Variants in TNFRSF9 observed in about 807,000 individuals in gnomAD.
TNFRSF9 encodes tumor necrosis factor receptor superfamily member 9.
In TNFRSF9, 16 loss-of-function variants were observed where a neutral mutation model predicts 28.8. The observed-to-expected ratio is 0.55, with a 90% CI of 0.38 to 0.84. The LOEUF is 0.84. Ranked by LOEUF, TNFRSF9 falls within the 40% of genes least tolerant of loss-of-function variation. TNFRSF9 has a pLI of 0.00. For synonymous variants in TNFRSF9, 131 were observed against 117.0 expected, an observed-to-expected ratio of 1.12 and a Z score of -0.77; for missense variants, 303 against 315.0, an observed-to-expected ratio of 0.96 and a Z score of 0.29.
At chr1:7,922,623 C>T (rs1639578523) in intron 7 of TNFRSF9, among the ~76,000 whole-genome samples, 1 of 152,056 alleles carries the variant, frequency 6.6e-6, no homozygotes, top group South Asian at 2.1e-4. Context: ...ACCAGCCTGG[C>T]CAACATGGCG....
chr1:7,939,085 C>T (rs1448408025), intron 2 of TNFRSF9, among the ~76,000 whole-genome samples: 3 of 151,986 alleles, frequency 2.0e-5, no homozygotes, highest in Non-Finnish European at 4.4e-5. Flanking sequence ...TTTGGGAGGC[C>T]GAAGCGGGCA....
intron 7 of TNFRSF9, 120 bp downstream of exon 7, chr1:7,933,042 C>A: frequency 8.0e-7 from 1 of 1,246,128 alleles, no homozygotes; most frequent in Non-Finnish European, 1.1e-6. Context: ...ATTGCCCCTG[C>A]GTGATAGCCA....
chr1:7,922,345 G>A (rs959361580), intron 7 of TNFRSF9, among the ~76,000 whole-genome samples: 1 of 152,140 alleles, frequency 6.6e-6, no homozygotes, highest in Non-Finnish European at 1.5e-5. Context: ...TTGTCCTGCT[G>A]AGTACTGCTG....
intron 7 of TNFRSF9, among the ~76,000 whole-genome samples, chr1:7,924,271 T>C (rs1457244347): frequency 2.0e-5 from 3 of 147,528 alleles, no homozygotes; most frequent in African/African-American, 7.5e-5. Flanking sequence ...CCATACTTTT[T>C]ATAGTTATTT....
chr1:7,938,685 A>G (rs1639857096), intron 3 of TNFRSF9, 36 bp downstream of exon 3: 1 of 1,482,560 alleles, frequency 6.7e-7, no homozygotes, highest in Non-Finnish European at 9.3e-7. Flanking sequence ...CTTCCCAACT[A>G]TCTTCTAGAA....
intron 3 of TNFRSF9, 100 bp from the exon 4 acceptor site, chr1:7,938,430 A>T (rs1639854327): frequency 7.8e-7 from 1 of 1,275,100 alleles, no homozygotes; most frequent in Non-Finnish European, 1.0e-6. Context: ...CACTCTACTT[A>T]TAGTGTTCCC....
At chr1:7,939,542 C>T (rs161811) in intron 2 of TNFRSF9, among the ~76,000 whole-genome samples, 13,723 of 152,130 alleles carry the variant, frequency 0.09, 1,585 homozygotes, top group East Asian at 0.51. Context: ...CTTTACTACG[C>T]GCTTACTCGC....
chr1:7,940,068 C>T lies in TNFRSF9; in HGVS notation c.-74G>A. ...ATTTTAATCAAATTAGCTGGTCTCA[C>T]AAATGTCACTCTGCAAAAGATAAAC... On this transcript the variant is annotated 5_prime_UTR_variant, in exon 2 of 8. It adds an upstream start codon to the 5' untranslated region. Coordinates refer to ENST00000377507, the MANE Select transcript of TNFRSF9 (RefSeq NM_001561.6). 1 of 1,050,816 alleles carries T rather than the reference C, an allele frequency of 9.5e-7. No homozygotes were observed. The highest frequency in any genetic ancestry group is 1.4e-6 in the Non-Finnish European group (1 of 694,274). The allele number at this position is 1,050,816 out of a possible 1,614,324, so 65.1% of individuals were successfully genotyped here.
chr1:7,925,740 C>T lies in TNFRSF9; in HGVS notation c.680-4817G>A, dbSNP rs226482. Reference sequence around the variant, plus strand: ...GATTCTCATAAGGAGCGTGCAACCTCGATCCCTCGTATGCGCAGTTCACAA... The same window carrying T: ...GATTCTCATAAGGAGCGTGCAACCTTGATCCCTCGTATGCGCAGTTCACAA... On this transcript the variant is annotated intron_variant, in intron 7 of 7. Transcript: ENST00000377507. Among the ~76,000 whole-genome samples the T allele has an allele frequency of 8.5e-5, 13 of 152,122 alleles. No individual in the cohort carries two copies. The South Asian group carries it at 2.7e-3, about 32-fold the overall frequency.
chr1:7,929,298 T>C (rs1557427336), intron 7 of TNFRSF9, among the ~76,000 whole-genome samples: 1 of 151,820 alleles, frequency 6.6e-6, no homozygotes, highest in Non-Finnish European at 1.5e-5. Flanking sequence ...CCCAAGTATC[T>C]GGGATTACAG....
intron 6 of TNFRSF9, among the ~76,000 whole-genome samples, chr1:7,933,769 C>T (rs1639772399): frequency 6.6e-6 from 1 of 152,128 alleles, no homozygotes; most frequent in Non-Finnish European, 1.5e-5. Context: ...GTAATCCTAG[C>T]ACTTTGGGAG....
rs751355710 is a variant in TNFRSF9, at chr1:7,938,732, C to T, written c.197G>A (p.Arg66Lys). The part of the protein sequence containing the change: ...AGGQRTCDIC[R>K]QCKGVFRTRK... ...CTTTGAACTCATACCTTTACACTGC[C>T]TGCATATGTCACAGGTCCTTTGTCC... Residue 66 changes from arginine (R) to lysine (K), a missense_variant, in exon 3 of 8, where the codon AGG (arginine) becomes AAG (lysine). Transcript: ENST00000377507. 7 of 1,611,922 alleles carry T rather than the reference C, an allele frequency of 4.3e-6. No homozygotes were observed. In the East Asian group the frequency reaches 1.3e-4, roughly 31 times the overall value.
chr1:7,927,351 T>A (rs1402437179), intron 7 of TNFRSF9, among the ~76,000 whole-genome samples: 1 of 152,142 alleles, frequency 6.6e-6, no homozygotes, highest in Non-Finnish European at 1.5e-5. Flanking sequence ...CCGACAATCA[T>A]CCCCGCTTTC....
At position 7,933,322 on chromosome 1, in the gene TNFRSF9, C is replaced by T. The variant is rs780356528; in HGVS notation, c.545-26G>A. On this transcript the variant is annotated intron_variant, in intron 6 of 7. Coordinates refer to ENST00000377507, the MANE Select transcript of TNFRSF9 (RefSeq NM_001561.6). ...CTGCAAAACACAGCAAAAGGAGAAA[C>T]GCATGCAGAAATGTGTTGACACTCA... 7 of 1,605,852 alleles carry T rather than the reference C, an allele frequency of 4.4e-6. 1 individual carries two copies. Among genetic ancestry groups the T allele is most frequent in the South Asian group, 2.2e-5 (2 of 89,858 alleles).
At position 7,940,029 on chromosome 1, in the gene TNFRSF9, C is replaced by T. The variant is rs1172332872; in HGVS notation, c.-35G>A. 1 of 1,454,710 alleles carries T rather than the reference C, an allele frequency of 6.9e-7. No homozygotes were observed. The highest frequency in any genetic ancestry group is 1.7e-5 in the Admixed American group (1 of 58,760). The allele number at this position is 1,454,710 out of a possible 1,614,324, so 90.1% of individuals were successfully genotyped here. A position where few individuals can be genotyped will look rare whatever the true frequency, so the allele number is the denominator to read the frequency against. ...TGGCACAGGTATGATACTAGCAAAG[C>T]TGATTCCAAGAGAATTTTAATCAAA... On this transcript the variant is annotated 5_prime_UTR_variant, in exon 2 of 8. Transcript: ENST00000377507.
rs550379194 is a variant in TNFRSF9 at position 7,934,188 on chromosome 1, C to A, written c.544+825G>T. ...CCCAAGAGTTTGAGAGCAGCCTGAG[C>A]AACATAGCAAGACCCCGACTCTGCC... On this transcript the variant is annotated intron_variant, in intron 6 of 7. Coordinates refer to ENST00000377507, the MANE Select transcript of TNFRSF9 (RefSeq NM_001561.6). Among the ~76,000 whole-genome samples, 49 of 152,054 alleles carry A rather than the reference C, an allele frequency of 3.2e-4. No homozygotes were observed. In the Middle Eastern group the frequency reaches 0.014, roughly 42 times the overall value.
intron 6 of TNFRSF9, 47 bp downstream of exon 6, chr1:7,934,966 A>T (rs1639794899): frequency 6.2e-7 from 1 of 1,603,632 alleles, no homozygotes; most frequent in African/African-American, 1.3e-5. Flanking sequence ...TACAATCTGG[A>T]ATCACCATAA....
At position 7,939,319 on chromosome 1, in the gene TNFRSF9, C is replaced by CA. The variant is rs34622301; in HGVS notation, c.101-492dup. 6.9e-3 allele frequency among the ~76,000 whole-genome samples: 721 copies of CA among 103,924 alleles called. 6 individuals carry two copies. Among genetic ancestry groups the CA allele is most frequent in the African/African-American group, 0.015 (400 of 27,410 alleles). 68.2% of individuals were successfully genotyped at this position (103,924 alleles called of 152,430 possible). ...TGGGCGACAGAGTGAGACTGTGTCT[C>CA]AAAAAAAAAAAAAAAAACATACACA... On this transcript the variant is annotated intron_variant, in intron 2 of 7. Transcript: ENST00000377507.
intron 7 of TNFRSF9, among the ~76,000 whole-genome samples, chr1:7,925,080 G>A (rs1267957345): frequency 4.6e-5 from 7 of 152,158 alleles, no homozygotes; most frequent in East Asian, 3.9e-4. Context: ...TTGGGAGGCC[G>A]AGGTGGGCAG....
Sources: allele counts gnomAD v4.1 joint callset (sites outside exome capture counted in the v4.1 genomes callset), GRCh38; gene constraint gnomAD v4.1.1; transcripts MANE v1.5; gene names NCBI Gene and HGNC (gene_info 2026-07-23, HGNC 2026-07-21).